Variants in ANKS1B observed in about 807,000 individuals in gnomAD.
ANKS1B encodes the protein ankyrin repeat and sterile alpha motif domain-containing protein 1B.
A neutral mutation model predicts 148.3 loss-of-function variants in ANKS1B; 36 were observed. The ratio of observed to expected loss-of-function variants is 0.24; its 90% CI spans 0.19 to 0.32. ANKS1B has a LOEUF of 0.32. ANKS1B is among the 10% of genes least tolerant of loss of function. The probability of loss-of-function intolerance (pLI) is 1.00; values close to 1 mark genes in which losing one functional copy is unlikely to be tolerated. For missense variants in ANKS1B, 1,157 were observed against 1,542.6 expected (o/e 0.75, Z 4.19); for synonymous variants, 542 against 560.8 (o/e 0.97, Z 0.47).
At chr12:99,208,655 T>G (rs1209514831) in intron 14 of ANKS1B, among the ~76,000 whole-genome samples, 1 of 152,150 alleles carries the variant, frequency 6.6e-6, no homozygotes, top group East Asian at 1.9e-4. Context: ...GGGTGAGAAG[T>G]TCCAGAACTC....
chr12:98,773,013 T>C (rs2098609687), intron 25 of ANKS1B, 29 bp downstream of exon 25: 1 of 1,613,348 alleles, frequency 6.2e-7, no homozygotes, highest in Admixed American at 1.7e-5. Flanking sequence ...GCAAAGTCTT[T>C]AATCTGTTGA....
intron 5 of ANKS1B, among the ~76,000 whole-genome samples, chr12:99,781,063 C>CAAAAAAAAAAAAAAAAAAAAAAATAA (rs35901124): frequency 8.3e-6 from 1 of 120,234 alleles, no homozygotes; most frequent in African/African-American, 3.2e-5. Flanking sequence ...CACATAATTG[C>CAAAAAAAAAAAAAAAAAAAAAAATAA]AAAAAAAAAA....
intron 1 of ANKS1B, among the ~76,000 whole-genome samples, chr12:99,916,170 C>T (rs1278800346): frequency 1.3e-5 from 2 of 152,174 alleles, no homozygotes; most frequent in East Asian, 1.9e-4. Context: ...AGTTCTCAGA[C>T]CCAGAGCCCA....
intron 17 of ANKS1B, among the ~76,000 whole-genome samples, chr12:98,832,705 C>T (rs2099328789): frequency 6.6e-6 from 1 of 152,056 alleles, no homozygotes; most frequent in Non-Finnish European, 1.5e-5. Flanking sequence ...AAAGGTCCTC[C>T]CCCGCCTCCT....
At chr12:99,257,104 C>T (rs897244503) in intron 12 of ANKS1B, among the ~76,000 whole-genome samples, 7 of 152,064 alleles carry the variant, frequency 4.6e-5, no homozygotes, top group African/African-American at 1.7e-4. Context: ...ATTAGCCTGG[C>T]ATTGTGGCGG....
At chr12:99,644,229 TCCTCCAGTTTTC>T (rs1248227488) in intron 9 of ANKS1B, among the ~76,000 whole-genome samples, 1 of 152,210 alleles carries the variant, frequency 6.6e-6, no homozygotes, top group Non-Finnish European at 1.5e-5. Context: ...GTATCTCCTT[TCCTCCAGTTTTC>T]AATAACATGT....
At chr12:99,716,076 C>T (rs1353520341) in intron 8 of ANKS1B, among the ~76,000 whole-genome samples, 1 of 152,032 alleles carries the variant, frequency 6.6e-6, no homozygotes, top group Non-Finnish European at 1.5e-5. Flanking sequence ...GGGGGAGGGG[C>T]AAAAACCACA....
intron 16 of ANKS1B, among the ~76,000 whole-genome samples, chr12:99,075,704 T>C (rs1487007798): frequency 2.6e-5 from 4 of 151,598 alleles, no homozygotes; most frequent in Admixed American, 6.6e-5. Flanking sequence ...CTCCTGAGTA[T>C]ATTATCAGCA....
intron 17 of ANKS1B, among the ~76,000 whole-genome samples, chr12:98,956,604 T>A (rs986929274): frequency 5.3e-5 from 8 of 152,004 alleles, no homozygotes; most frequent in Middle Eastern, 3.4e-3. Context: ...TGTAGTTAGT[T>A]AACTTATTCA....
chr12:99,827,914 A>G (rs1454210590), intron 1 of ANKS1B, among the ~76,000 whole-genome samples: 1 of 152,206 alleles, frequency 6.6e-6, no homozygotes, highest in Non-Finnish European at 1.5e-5. Context: ...TACAAATACC[A>G]TATAATCCAG....
At chr12:99,483,070 G>C (rs1051039713) in intron 10 of ANKS1B, among the ~76,000 whole-genome samples, 2 of 151,086 alleles carry the variant, frequency 1.3e-5, no homozygotes, top group African/African-American at 4.9e-5. Context: ...AGCTTGTTTT[G>C]TTCCTGTTCT....
At chr12:99,976,670 ACT>A (rs1375392155) in intron 1 of ANKS1B, among the ~76,000 whole-genome samples, 1 of 152,106 alleles carries the variant, frequency 6.6e-6, no homozygotes, top group Non-Finnish European at 1.5e-5. Context: ...AATCCAAATA[ACT>A]CTACTGCACA....
chr12:99,726,194 C>A (rs1241358386), intron 8 of ANKS1B, among the ~76,000 whole-genome samples: 2 of 152,098 alleles, frequency 1.3e-5, no homozygotes, highest in Non-Finnish European at 1.5e-5. Context: ...ATCAATAAAT[C>A]CAGCAGCTGG....
chr12:99,256,180 T>C (rs1054085162), intron 12 of ANKS1B, among the ~76,000 whole-genome samples: 4 of 150,918 alleles, frequency 2.7e-5, no homozygotes, highest in African/African-American at 9.8e-5. Flanking sequence ...AACCAGGGAG[T>C]TGGAGGTTGC....
intron 17 of ANKS1B, among the ~76,000 whole-genome samples, chr12:98,849,393 T>G (rs913445478): frequency 1.3e-5 from 2 of 152,190 alleles, no homozygotes; most frequent in Admixed American, 6.5e-5. Flanking sequence ...TTAGCTGTAG[T>G]GTCTCTTAGA....
chr12:98,959,879 A>C (rs2099868358), intron 17 of ANKS1B, among the ~76,000 whole-genome samples: 1 of 152,228 alleles, frequency 6.6e-6, no homozygotes, highest in Non-Finnish European at 1.5e-5. Context: ...TGGTGATCAC[A>C]GGGAGAGACT....
chr12:98,964,703 A>G (rs1182795220), intron 17 of ANKS1B, among the ~76,000 whole-genome samples: 2 of 152,212 alleles, frequency 1.3e-5, no homozygotes, highest in Admixed American at 1.3e-4. Context: ...TAAACCAGGC[A>G]CAAAAAGACA....
intron 1 of ANKS1B, among the ~76,000 whole-genome samples, chr12:99,983,151 A>G (rs1171010800): frequency 6.6e-6 from 1 of 152,208 alleles, no homozygotes; most frequent in Non-Finnish European, 1.5e-5. Context: ...GATGACTCCA[A>G]AAATACCCAG....
chr12:99,215,786 C>T (rs189217924), intron 14 of ANKS1B, among the ~76,000 whole-genome samples: 1 of 152,318 alleles, frequency 6.6e-6, no homozygotes, highest in Non-Finnish European at 1.5e-5. Flanking sequence ...ATTTTATGGG[C>T]TCATGGGCAG....
Sources: allele counts gnomAD v4.1 joint callset (sites outside exome capture counted in the v4.1 genomes callset), GRCh38; gene constraint gnomAD v4.1.1; transcripts MANE v1.5; gene names NCBI Gene and HGNC (gene_info 2026-07-23, HGNC 2026-07-21).